ZBTB38: variants seen among roughly 807,000 people sequenced by gnomAD.
ZBTB38 encodes the protein zinc finger and BTB domain containing 38.
ZBTB38 carries 20 observed loss-of-function variants against 76.8 expected under a neutral mutation model. The observed-to-expected ratio is 0.26, with a 90% CI of 0.18 to 0.38. The LOEUF is 0.38. Among genes scored for constraint, ZBTB38 ranks in the 10% least tolerant of loss-of-function variants. ZBTB38 has a pLI of 1.00. For missense variants in ZBTB38, 1,082 were observed against 1,482.3 expected, an observed-to-expected ratio of 0.73 and a Z score of 4.43; for synonymous variants, 504 against 544.2, an observed-to-expected ratio of 0.93 and a Z score of 1.03.
At chr3:141,400,740 T>C (rs1165016606) in intron 4 of ZBTB38, among the ~76,000 whole-genome samples, 1 of 152,258 alleles carries the variant, frequency 6.6e-6, no homozygotes, top group Non-Finnish European at 1.5e-5. Flanking sequence ...ATGCTTCATA[T>C]GTATTATCTC....
At chr3:141,343,751 G>C (rs1943263880) in intron 1 of ZBTB38, among the ~76,000 whole-genome samples, 1 of 152,172 alleles carries the variant, frequency 6.6e-6, no homozygotes. Flanking sequence ...TCTCCTTCTG[G>C]ATAAAGAAAT....
Position 141,442,086 on chromosome 3 carries a change from A to C in ZBTB38, c.1-303A>C, listed in dbSNP as rs913634494. On this transcript the variant is annotated intron_variant, in intron 5 of 5. Transcript: ENST00000321464. The surrounding 1 kb of genome is among the most constrained non-coding windows in gnomAD (Gnocchi z 6.4). ...CCTTAACATTTCAGAAAAAAAAAAA[A>C]AACCTCCTCCCCTCCCAAATTTGGA... is the stretch of plus-strand genomic sequence containing the variant. Among the ~76,000 whole-genome samples, 5 of 151,742 alleles carry C rather than the reference A, an allele frequency of 3.3e-5. No homozygotes were observed. Among genetic ancestry groups the C allele is most frequent in the Admixed American group, 1.3e-4 (2 of 15,228 alleles).
chr3:141,356,575 T>C (rs1336114615), intron 1 of ZBTB38, among the ~76,000 whole-genome samples: 1 of 152,060 alleles, frequency 6.6e-6, no homozygotes, highest in East Asian at 1.9e-4. Flanking sequence ...CAAAACACAT[T>C]GACACAACCA....
At chr3:141,333,731 C>T (rs1942923494) in intron 1 of ZBTB38, among the ~76,000 whole-genome samples, 1 of 152,126 alleles carries the variant, frequency 6.6e-6, no homozygotes, top group African/African-American at 2.4e-5. Flanking sequence ...AGACATCTGG[C>T]CCTGCAATTT....
chr3:141,349,822 G>A (rs1382141245), intron 1 of ZBTB38, among the ~76,000 whole-genome samples: 2 of 151,978 alleles, frequency 1.3e-5, no homozygotes, highest in Non-Finnish European at 2.9e-5. Flanking sequence ...CAGAAGGGAA[G>A]AAAGAAACCC....
chr3:141,437,072 T>G (rs761471888), intron 5 of ZBTB38, among the ~76,000 whole-genome samples: 1 of 152,236 alleles, frequency 6.6e-6, no homozygotes, highest in Non-Finnish European at 1.5e-5. Context: ...TTGGTGGTTT[T>G]GGGAGCGGGC....
chr3:141,421,189 A>G (rs1439577360), intron 5 of ZBTB38, among the ~76,000 whole-genome samples: 4 of 152,126 alleles, frequency 2.6e-5, no homozygotes, highest in South Asian at 2.1e-4. Flanking sequence ...AGTGAGGTCA[A>G]CCACTTTAAT....
At chr3:141,371,297 G>A (rs1048313347) in intron 2 of ZBTB38, among the ~76,000 whole-genome samples, 6 of 151,398 alleles carry the variant, frequency 4.0e-5, no homozygotes, top group African/African-American at 1.2e-4. Context: ...GTGATCTGCC[G>A]GCCTTGGCCT....
chr3:141,407,070 T>C (rs1433030825), intron 5 of ZBTB38, among the ~76,000 whole-genome samples: 1 of 152,254 alleles, frequency 6.6e-6, no homozygotes, highest in Non-Finnish European at 1.5e-5. Context: ...ATAGTAGTCA[T>C]ACACTGTATT....
rs1241160723 is a variant in ZBTB38, at chr3:141,442,726, A to G, written c.338A>G (p.Lys113Arg). 3 of 1,614,206 alleles carry G rather than the reference A, an allele frequency of 1.9e-6. No homozygotes were observed. Among genetic ancestry groups the G allele is most frequent in the East Asian group, 4.5e-5 (2 of 44,884 alleles). The change falls in exon 6 of 6, where the codon AAG (lysine) becomes AGG (arginine). Residue 113 changes from lysine (K) to arginine (R), a missense_variant. Lys to Arg is a conservative substitution (Grantham distance 26). Transcript: ENST00000321464. This position sits in a 1 kb window ranked among gnomAD's most constrained non-coding sequence, Gnocchi z 6.4. ...TVTDLAAAGK[K>R]LGISFLEDLT... ...ACTGATCTCGCAGCTGCAGGAAAAAAGCTGGGAATATCGTTCTTGGAAGAC... is the reference window on the plus strand; with the variant it reads ...ACTGATCTCGCAGCTGCAGGAAAAAGGCTGGGAATATCGTTCTTGGAAGAC...
At chr3:141,356,864 G>A (rs936483094) in intron 1 of ZBTB38, among the ~76,000 whole-genome samples, 1 of 152,080 alleles carries the variant, frequency 6.6e-6, no homozygotes, top group South Asian at 2.1e-4. Context: ...AGAAATTGGG[G>A]AAAAAAGATT....
At chr3:141,359,699 C>T (rs758233994) in intron 1 of ZBTB38, among the ~76,000 whole-genome samples, 9 of 152,082 alleles carry the variant, frequency 5.9e-5, no homozygotes, top group Non-Finnish European at 1.0e-4. Context: ...GGGAGGCCAA[C>T]GCAGGAGGAT....
In ZBTB38 at chr3:141,349,835, A is replaced by C. The variant is rs781691553; in HGVS notation, c.-738-18786A>C. On this transcript the variant is annotated intron_variant, in intron 1 of 7. Coordinates refer to the ZBTB38 transcript ENST00000509842. The stretch of plus-strand genomic sequence containing the variant: ...AACAGAAGGGAAGAAAGAAACCCCC[A>C]GTTGGCACCCCTGAGAAATTTGATG... 2.0e-5 allele frequency among the ~76,000 whole-genome samples: 3 copies of C among 152,206 alleles called. No homozygotes were observed. In the South Asian group the frequency reaches 6.2e-4, roughly 32 times the overall value.
chr3:141,417,465 A>G (rs1368505876), intron 5 of ZBTB38, among the ~76,000 whole-genome samples: 1 of 152,216 alleles, frequency 6.6e-6, no homozygotes, highest in Non-Finnish European at 1.5e-5. Flanking sequence ...TAAACGCAGT[A>G]GAACAGGCAC....
chr3:141,394,993 C>A (rs1353871421), intron 4 of ZBTB38, among the ~76,000 whole-genome samples: 1 of 152,054 alleles, frequency 6.6e-6, no homozygotes, highest in Non-Finnish European at 1.5e-5. Context: ...CAGGGAAAGC[C>A]CAAATTCTAA....
At chr3:141,357,273 T>G (rs142005896) in intron 1 of ZBTB38, among the ~76,000 whole-genome samples, 1 of 152,340 alleles carries the variant, frequency 6.6e-6, no homozygotes, top group African/African-American at 2.4e-5. Context: ...GTTTGTTCTA[T>G]TAGCACTGAT....
chr3:141,370,549 T>C (rs1179018941), intron 2 of ZBTB38, among the ~76,000 whole-genome samples: 1 of 152,196 alleles, frequency 6.6e-6, no homozygotes, highest in Non-Finnish European at 1.5e-5. Flanking sequence ...AAGGATAAAG[T>C]TGCATAGAAA....
At chr3:141,362,494 T>C (rs1264936148) in intron 1 of ZBTB38, among the ~76,000 whole-genome samples, 1 of 152,174 alleles carries the variant, frequency 6.6e-6, no homozygotes, top group East Asian at 1.9e-4. Context: ...TATTGAGCCA[T>C]TATTATATAT....
chr3:141,370,164 T>G (rs936830320), intron 2 of ZBTB38, among the ~76,000 whole-genome samples: 31 of 152,258 alleles, frequency 2.0e-4, no homozygotes, highest in African/African-American at 7.5e-4. Context: ...CTTGCTCATG[T>G]AACAGTACAG....
Sources: gnomAD v4.1 joint callset for allele counts (sites outside exome capture counted in the v4.1 genomes callset) on GRCh38, gnomAD v4.1.1 for gene constraint, Gnocchi (gnomAD v3.1) non-coding constraint, MANE v1.5 for transcripts, NCBI Gene and HGNC (gene_info 2026-07-23, HGNC 2026-07-21) for gene names.